RPS6KA2: variants seen among roughly 807,000 people sequenced by gnomAD.
RPS6KA2 encodes the protein ribosomal protein S6 kinase alpha-2.
A neutral mutation model predicts 91.8 loss-of-function variants in RPS6KA2; 42 were observed. The observed-to-expected ratio is 0.46, with a 90% confidence interval of 0.36 to 0.59. The LOEUF (loss-of-function observed/expected upper bound fraction) is 0.59. Among genes scored for constraint, RPS6KA2 ranks in the 20% least tolerant of loss-of-function variants. The probability of loss-of-function intolerance (pLI) is 0.00; values close to 1 mark genes in which losing one functional copy is unlikely to be tolerated. For synonymous variants in RPS6KA2, 414 were observed against 393.6 expected, an observed-to-expected ratio of 1.05 and a Z score of -0.61; for missense variants, 798 against 978.5, an observed-to-expected ratio of 0.82 and a Z score of 2.46.
chr6:166,820,916 C>T (rs1203517762), intron 2 of RPS6KA2, among the ~76,000 whole-genome samples: 1 of 152,148 alleles, frequency 6.6e-6, no homozygotes, highest in Non-Finnish European at 1.5e-5. Context: ...TATGTAAAAG[C>T]ACTCCTCCTT....
intron 1 of RPS6KA2, among the ~76,000 whole-genome samples, chr6:166,584,353 G>A (rs1785107005): frequency 6.6e-6 from 1 of 152,140 alleles, no homozygotes; most frequent in Non-Finnish European, 1.5e-5. Context: ...CTTCCTTACA[G>A]GCCCTTTCTC....
In RPS6KA2 at chr6:166,425,420, G is replaced by A. The variant is rs187177592; in HGVS notation, c.1582-2003C>T. 7.9e-3 allele frequency among the ~76,000 whole-genome samples: 1,188 copies of A among 151,306 alleles called. 14 individuals carry two copies. Among genetic ancestry groups the A allele is most frequent in the African/African-American group, 0.025 (1,035 of 41,218 alleles). On this transcript the variant is annotated intron_variant, in intron 16 of 20. Transcript: ENST00000265678. The stretch of plus-strand genomic sequence containing the variant: ...ATGAGCAAAATAACCAGCTAACATC[G>A]TAATGACAGGATCAAATTCACACAT...
intron 1 of RPS6KA2, among the ~76,000 whole-genome samples, chr6:166,597,797 G>A (rs1435171922): frequency 1.3e-5 from 2 of 152,124 alleles, no homozygotes; most frequent in African/African-American, 4.8e-5. Context: ...ATCGAGAAGA[G>A]AATAGAAACA....
In RPS6KA2 at chr6:166,409,415, A is replaced by C. The variant is rs1208697719; in HGVS notation, c.*3347T>G. 4 of 152,326 alleles carry C rather than the reference A, an allele frequency of 2.6e-5. No individual in the cohort carries two copies. Among genetic ancestry groups the C allele is most frequent in the Non-Finnish European group, 4.4e-5 (3 of 68,048 alleles). 9.4% of individuals were successfully genotyped at this position (152,326 alleles called of 1,614,324 possible). A position where few individuals can be genotyped will look rare whatever the true frequency, so the allele number is the denominator to read the frequency against. ...ACTTCATAAAACCATGTTTATTCAA[A>C]AAAATCTATTCAGAAAGTCTGGAAA... On this transcript the variant is annotated 3_prime_UTR_variant, in exon 21 of 21. Coordinates refer to ENST00000265678, the MANE Select transcript of RPS6KA2 (RefSeq NM_021135.6).
chr6:166,839,238 G>A (rs1780397723), intron 2 of RPS6KA2, among the ~76,000 whole-genome samples: 1 of 152,044 alleles, frequency 6.6e-6, no homozygotes, highest in African/African-American at 2.4e-5. Flanking sequence ...CTTTTTTCCT[G>A]TAATTAGCTG....
intron 2 of RPS6KA2, among the ~76,000 whole-genome samples, chr6:166,661,737 T>A (rs1788169497): frequency 6.6e-6 from 1 of 152,210 alleles, no homozygotes; most frequent in African/African-American, 2.4e-5. Flanking sequence ...TGAGATTTTC[T>A]TTCCTTTGCA....
At chr6:166,671,060 G>A (rs1442292316) in intron 2 of RPS6KA2, among the ~76,000 whole-genome samples, 7 of 152,194 alleles carry the variant, frequency 4.6e-5, no homozygotes, top group Admixed American at 6.5e-5. Context: ...TGATCCACCC[G>A]TCTCTACCTC....
chr6:166,831,628 C>T (rs1195752835), intron 2 of RPS6KA2, among the ~76,000 whole-genome samples: 1 of 151,654 alleles, frequency 6.6e-6, no homozygotes, highest in Non-Finnish European at 1.5e-5. Context: ...CATTTGCCCT[C>T]ACCTTCCCTG....
rs1787755632 is a variant in RPS6KA2, at chr6:166,648,786, C to T, written c.124-110002G>A. Among the ~76,000 whole-genome samples, 1 of 152,166 alleles carries T rather than the reference C, an allele frequency of 6.6e-6. No homozygotes were observed. Among genetic ancestry groups the T allele is most frequent in the African/African-American group, 2.4e-5 (1 of 41,436 alleles). ...GTCCTGAACTTTGGGATGGCACCGACCATCTGTGACTGTCCGACTCAAAAC... is the reference window on the plus strand; with the variant it reads ...GTCCTGAACTTTGGGATGGCACCGATCATCTGTGACTGTCCGACTCAAAAC... On this transcript the variant is annotated intron_variant, in intron 2 of 21. Transcript: ENST00000503859. This position sits in a 1 kb window ranked among gnomAD's most constrained non-coding sequence, Gnocchi z 4.8.
At position 166,726,372 on chromosome 6, in the gene RPS6KA2, G is replaced by A. The variant is rs934589039; in HGVS notation, c.123+131828C>T. On this transcript the variant is annotated intron_variant, in intron 2 of 21. Transcript: ENST00000503859. The surrounding 1 kb of genome is among the most constrained non-coding windows in gnomAD (Gnocchi z 4.4). ...TGGGGGAAAGTTCCATTCCACCTCC[G>A]ATTCCTAGAGCTGCAAGCAGCAAGT... is the stretch of plus-strand genomic sequence containing the variant. 2.6e-5 allele frequency among the ~76,000 whole-genome samples: 4 copies of A among 152,146 alleles called. No homozygotes were observed. Among genetic ancestry groups the A allele is most frequent in the African/African-American group, 7.2e-5 (3 of 41,418 alleles).
chr6:166,851,263 G>A (rs1273799760), intron 2 of RPS6KA2, among the ~76,000 whole-genome samples: 3 of 152,190 alleles, frequency 2.0e-5, no homozygotes, highest in Non-Finnish European at 2.9e-5. Flanking sequence ...GCTCAGACCT[G>A]GGAGGCCTTA....
At position 166,737,227 on chromosome 6, in the gene RPS6KA2, C is replaced by G. The variant is rs918870322; in HGVS notation, c.123+120973G>C. On this transcript the variant is annotated intron_variant, in intron 2 of 21. Transcript: ENST00000503859. This position sits in a 1 kb window ranked among gnomAD's most constrained non-coding sequence, Gnocchi z 4.3. ...TATTCTCTGTTTAGTCTACAATGAA[C>G]CAGATCACACTTGTAATATTATTTA... Among the ~76,000 whole-genome samples the G allele has an allele frequency of 6.6e-6, 1 of 152,166 alleles. No individual in the cohort carries two copies. Among genetic ancestry groups the G allele is most frequent in the Admixed American group, 6.5e-5 (1 of 15,280 alleles).
chr6:166,824,255 C>T (rs1351165721), intron 2 of RPS6KA2, among the ~76,000 whole-genome samples: 1 of 152,148 alleles, frequency 6.6e-6, no homozygotes, highest in Non-Finnish European at 1.5e-5. Flanking sequence ...GGGAGGGCTG[C>T]CCATGGAGCA....
chr6:166,787,440 T>C (rs1246421121), intron 2 of RPS6KA2, among the ~76,000 whole-genome samples: 1 of 152,142 alleles, frequency 6.6e-6, no homozygotes, highest in African/African-American at 2.4e-5. Flanking sequence ...CATATCTAGA[T>C]ACTGATGATA....
chr6:166,544,323 C>A (rs1554288612), intron 1 of RPS6KA2, among the ~76,000 whole-genome samples: 1 of 152,166 alleles, frequency 6.6e-6, no homozygotes, highest in Non-Finnish European at 1.5e-5. Context: ...AGAAAGACAG[C>A]CGCAGACTTG....
intron 1 of RPS6KA2, among the ~76,000 whole-genome samples, chr6:166,860,668 G>A (rs769378031): frequency 2.6e-5 from 4 of 152,154 alleles, no homozygotes; most frequent in Non-Finnish European, 4.4e-5. Context: ...CATTCGTGAG[G>A]GCTGAGCACC....
At chr6:166,777,700 G>C (rs2128609232) in intron 2 of RPS6KA2, among the ~76,000 whole-genome samples, 1 of 152,286 alleles carries the variant, frequency 6.6e-6, no homozygotes, top group African/African-American at 2.4e-5. Context: ...AATCTCTACA[G>C]AATCCAAGAG....
intron 11 of RPS6KA2, among the ~76,000 whole-genome samples, chr6:166,469,190 C>A (rs1780658687): frequency 6.6e-6 from 1 of 152,194 alleles, no homozygotes; most frequent in South Asian, 2.1e-4. Flanking sequence ...GCAATTGACA[C>A]TTGTAGCTTG....
At position 166,655,902 on chromosome 6, in the gene RPS6KA2, G is replaced by A. The variant is rs576190628; in HGVS notation, c.124-117118C>T. On this transcript the variant is annotated intron_variant, in intron 2 of 21. Transcript: ENST00000503859. ...CCCCAGCAGGTGCACTCGGAGACAC[G>A]CCCAGGAATACCTGTAGCTGTCTTT... Among the ~76,000 whole-genome samples the A allele has an allele frequency of 4.6e-5, 7 of 152,284 alleles. No individual in the cohort carries two copies. The South Asian group carries it at 1.0e-3, about 23-fold the overall frequency.
Sources: allele counts gnomAD v4.1 joint callset (sites outside exome capture counted in the v4.1 genomes callset), GRCh38; gene constraint gnomAD v4.1.1; non-coding constraint Gnocchi (gnomAD v3.1); transcripts MANE v1.5; gene names NCBI Gene and HGNC (gene_info 2026-07-23, HGNC 2026-07-21).